ENTPD8: variants seen among roughly 807,000 people sequenced by gnomAD.
ENTPD8 encodes the protein ectonucleoside triphosphate diphosphohydrolase 8, also known as E-NTPDase 8.
In ENTPD8, 35 loss-of-function variants were observed where a neutral mutation model predicts 47.0. The ratio of observed to expected loss-of-function variants is 0.75; its 90% confidence interval spans 0.57 to 0.99. The LOEUF is 0.99. Among genes scored for constraint, ENTPD8 ranks in the 50% least tolerant of loss-of-function variants. The pLI is 0.00. For missense variants in ENTPD8, 668 were observed against 649.9 expected (o/e 1.03, Z -0.30); for synonymous variants, 308 against 290.5 (o/e 1.06, Z -0.61).
rs892322299 is a variant in ENTPD8, at chr9:137,434,470, TC to T, written c.*443del. 2 of 1,277,978 alleles carry T rather than the reference TC, an allele frequency of 1.6e-6. No homozygotes were observed. The highest frequency in any genetic ancestry group is 3.0e-5 in the African/African-American group (2 of 66,956). 79.2% of individuals were successfully genotyped at this position (1,277,978 alleles called of 1,614,324 possible). A position where few individuals can be genotyped will look rare whatever the true frequency, so the allele number is the denominator to read the frequency against. ...CCAGCAGAAGCCCCCAGGCCTGGAC[TC>T]CATCCATCTGCTCAGACAACAGCAG... On this transcript the variant is annotated 3_prime_UTR_variant, in exon 10 of 10. Coordinates refer to ENST00000371506, the MANE Select transcript of ENTPD8 (RefSeq NM_001033113.2).
In ENTPD8 at chr9:137,434,982, ACAC is replaced by A. The variant is rs1839297417; in HGVS notation, c.1417_1419del (p.Val473del). 6.2e-7 allele frequency: 1 copy of A among 1,612,844 alleles called. No individual in the cohort carries two copies. ...ACCGCCACCAGGGCCAGCACCATGA[ACAC>A]CACTTTGGCCACCCAGACGCCGTAG... On this transcript the variant is annotated inframe_deletion, in exon 10 of 10. Transcript: ENST00000371506.
At chr9:137,437,935 C>A in intron 3 of ENTPD8, 32 bp downstream of exon 3, 1 of 1,573,598 alleles carries the variant, frequency 6.4e-7, no homozygotes, top group South Asian at 1.1e-5. Context: ...ACAGGCAGGT[C>A]CCAGCACCGG....
Position 137,435,767 on chromosome 9 carries a change from G to C in ENTPD8, c.1113C>G (p.Ser371Arg). The change falls in exon 8 of 10, where the codon AGC (serine) becomes AGG (arginine). Residue 371 changes from serine (S) to arginine (R), a missense_variant. Ser to Arg is a moderately radical substitution (Grantham distance 110, BLOSUM62 -1). Transcript: ENST00000371506. ...FLNLTSRQPL[S>R]TVNATIWEFC... ...ACTCCCAGATGGTGGCGTTGACCGTGCTCAGGGGCTGCCTGGAGGTGAGGT... is the reference window on the plus strand; with the variant it reads ...ACTCCCAGATGGTGGCGTTGACCGTCCTCAGGGGCTGCCTGGAGGTGAGGT... 6.2e-7 allele frequency: 1 copy of C among 1,613,602 alleles called. No individual in the cohort carries two copies. Among genetic ancestry groups the C allele is most frequent in the Non-Finnish European group, 8.5e-7 (1 of 1,179,920 alleles).
intron 1 of ENTPD8, among the ~76,000 whole-genome samples, chr9:137,439,322 G>A (rs767262059): frequency 2.0e-5 from 3 of 151,930 alleles, no homozygotes; most frequent in Non-Finnish European, 4.4e-5. Flanking sequence ...ACCCCAGGCC[G>A]ACCCTGTGCC....
chr9:137,436,235 G>A lies in ENTPD8; in HGVS notation c.828C>T (p.Ser276=), dbSNP rs768720771. The part of the protein sequence containing the change: ...AALLRHPCYL[S]GYQTTLALGP... ...CCAGGGCCAGTGTGGTCTGGTAGCC[G>A]CTGAGGTAGCACGGGTGACGGAGCA... Residue 276 remains serine (S), a synonymous_variant, in exon 7 of 10, where the codon AGC becomes AGT. Transcript: ENST00000371506. 146 of 1,607,418 alleles carry A rather than the reference G, an allele frequency of 9.1e-5. No individual in the cohort carries two copies. The highest frequency in any genetic ancestry group is 1.1e-4 in the South Asian group (10 of 90,914).
chr9:137,435,887 C>G (rs1016580834), intron 7 of ENTPD8, 58 bp from the exon 8 acceptor site: 1 of 1,606,546 alleles, frequency 6.2e-7, no homozygotes, highest in Non-Finnish European at 8.5e-7. Context: ...CCAGATCCAC[C>G]CCACCCGGGC....
In ENTPD8 at chr9:137,436,322, C is replaced by T. The variant is rs770258215; in HGVS notation, c.787-46G>A. On this transcript the variant is annotated intron_variant, in intron 6 of 9. Coordinates refer to ENST00000371506, the MANE Select transcript of ENTPD8 (RefSeq NM_001033113.2). ...TGAGCACCAGCCGCACACCTGCGGC[C>T]CTGTGCCCCTCCCCGGGGCCGGATG... 1.1e-5 allele frequency: 17 copies of T among 1,503,042 alleles called. No individual in the cohort carries two copies. The East Asian group carries it at 2.6e-4, about 23-fold the overall frequency. The allele number at this position is 1,503,042 out of a possible 1,614,324, so 93.1% of individuals were successfully genotyped here. A position where few individuals can be genotyped will look rare whatever the true frequency, so the allele number is the denominator to read the frequency against.
chr9:137,438,199 CAGG>C lies in ENTPD8; in HGVS notation c.84_86del (p.Leu29del), dbSNP rs1244656188. 1 of 1,608,490 alleles carries C rather than the reference CAGG, an allele frequency of 6.2e-7. No individual in the cohort carries two copies. Among genetic ancestry groups the C allele is most frequent in the Non-Finnish European group, 8.5e-7 (1 of 1,177,990 alleles). On this transcript the variant is annotated inframe_deletion, in exon 2 of 10. Transcript: ENST00000371506. This position sits in a 1 kb window ranked among gnomAD's most constrained non-coding sequence, Gnocchi z 5.7. ...GCAGGAGCACGCTGGTGGCCTCCACCAGGAGGAGAATGAGTGCCGTGAGGCCTG... is the reference window on the plus strand; with the variant it reads ...GCAGGAGCACGCTGGTGGCCTCCACCAGGAGAATGAGTGCCGTGAGGCCTG...
chr9:137,434,691 T>A lies in ENTPD8; in HGVS notation c.*223A>T. 1.5e-6 allele frequency: 1 copy of A among 652,042 alleles called. No homozygotes were observed. The highest frequency in any genetic ancestry group is 2.5e-6 in the Non-Finnish European group (1 of 393,692). The allele number at this position is 652,042 out of a possible 1,614,324, so 40.4% of individuals were successfully genotyped here. A position where few individuals can be genotyped will look rare whatever the true frequency, so the allele number is the denominator to read the frequency against. On this transcript the variant is annotated 3_prime_UTR_variant, in exon 10 of 10. Coordinates refer to ENST00000371506, the MANE Select transcript of ENTPD8 (RefSeq NM_001033113.2). The stretch of plus-strand genomic sequence containing the variant: ...GTGTGCAGAAAGGCACCTACGGCCC[T>A]GGAAGCCCAGTTGCGGAAGGAGGTT...
chr9:137,436,944 G>A lies in ENTPD8; in HGVS notation c.480C>T (p.Ala160=), dbSNP rs747829056. The change falls in exon 5 of 10, where the codon GCC becomes GCT. Residue 160 remains alanine (A), a synonymous_variant. Transcript: ENST00000371506. ...CTTCGGCCTGCCCGGCCAGGAGCTC[G>A]GCACCCCAAAAGTCCACGGGAGACC... is the stretch of plus-strand genomic sequence containing the variant. ...LGRSPVDFWG[A]ELLAGQAEGA... The A allele has an allele frequency of 3.6e-5, 58 of 1,612,920 alleles. No individual in the cohort carries two copies. The highest frequency in any genetic ancestry group is 1.5e-4 in the South Asian group (14 of 91,090).
chr9:137,436,062 T>C lies in ENTPD8; in HGVS notation c.1001A>G (p.Asp334Gly). 1 of 1,612,882 alleles carries C rather than the reference T, an allele frequency of 6.2e-7. No individual in the cohort carries two copies. Among genetic ancestry groups the C allele is most frequent in the Non-Finnish European group, 8.5e-7 (1 of 1,179,966 alleles). Residue 334 changes from aspartate to glycine, a missense_variant, in exon 7 of 10, where the codon GAC (aspartate) becomes GGC (glycine). Asp to Gly is a moderately conservative substitution (Grantham distance 94). Transcript: ENST00000371506. The part of the protein sequence containing the change: ...FNFSSCQGQE[D>G]CAFDGVYQPP... ...CTGGTAGACCCCGTCAAAGGCGCAG[T>C]CCTCCTGGCCCTGGCAGCTGGAGAA...
chr9:137,434,773 A>C lies in ENTPD8; in HGVS notation c.*141T>G. The C allele has an allele frequency of 9.1e-7, 1 of 1,094,150 alleles. No homozygotes were observed. The highest frequency in any genetic ancestry group is 1.3e-6 in the Non-Finnish European group (1 of 789,712). The allele number at this position is 1,094,150 out of a possible 1,614,324, so 67.8% of individuals were successfully genotyped here. A position where few individuals can be genotyped will look rare whatever the true frequency, so the allele number is the denominator to read the frequency against. ...AGCCTCTGTGGCCAGCACCACCCTGACGGTGCCCTGGAGGTGGCTGTCACC... is the reference window on the plus strand; with the variant it reads ...AGCCTCTGTGGCCAGCACCACCCTGCCGGTGCCCTGGAGGTGGCTGTCACC... On this transcript the variant is annotated 3_prime_UTR_variant, in exon 10 of 10. Transcript: ENST00000371506.
chr9:137,436,355 C>T, intron 6 of ENTPD8, 79 bp from the exon 7 acceptor site: 2 of 1,444,934 alleles, frequency 1.4e-6, no homozygotes, highest in Non-Finnish European at 9.1e-7. Context: ...ATGACCCACG[C>T]CAGCCCCGCG....
In ENTPD8 at chr9:137,434,947, AGCC is replaced by A. The variant is rs750801800; in HGVS notation, c.1452_1454del (p.Ala486del). The A allele has an allele frequency of 3.7e-6, 6 of 1,612,364 alleles. No individual in the cohort carries two copies. The Admixed American group carries it at 1.0e-4, about 27-fold the overall frequency. ...GCAACCAGAAGAGCTGGACCAAGGCAGCCCCCACCACCGCCACCAGGGCCAGCA... is the reference window on the plus strand; with the variant it reads ...GCAACCAGAAGAGCTGGACCAAGGCACCCACCACCGCCACCAGGGCCAGCA... On this transcript the variant is annotated inframe_deletion, in exon 10 of 10. Transcript: ENST00000371506.
chr9:137,438,571 C>T lies in ENTPD8; in HGVS notation c.-20-266G>A, dbSNP rs565760684. On this transcript the variant is annotated intron_variant, in intron 1 of 9. Coordinates refer to ENST00000371506, the MANE Select transcript of ENTPD8 (RefSeq NM_001033113.2). This position sits in a 1 kb window ranked among gnomAD's most constrained non-coding sequence, Gnocchi z 5.7. ...CATCTCCGGGGCTCAGACGGCCTCC[C>T]GTGGCCATAGAGGCATCCCCGGGGC... 6.0e-5 allele frequency among the ~76,000 whole-genome samples: 9 copies of T among 151,054 alleles called. No individual in the cohort carries two copies. The highest frequency in any genetic ancestry group is 5.9e-4 in the East Asian group (3 of 5,128).
chr9:137,437,242 C>T lies in ENTPD8; in HGVS notation c.312G>A (p.Glu104=), dbSNP rs139205015. ...QAGESLQGCL[E]EALVLIPEAQ... ...CCTCTGGGATCAGCACCAGCGCCTC[C>T]TCCAAGCAGCCCTGCAGGCTCTCAC... The change falls in exon 4 of 10, where the codon GAG becomes GAA. Residue 104 remains glutamate (E), a synonymous_variant. Transcript: ENST00000371506. 5.6e-6 allele frequency: 9 copies of T among 1,612,972 alleles called. No homozygotes were observed. Among genetic ancestry groups the T allele is most frequent in the Non-Finnish European group, 7.6e-6 (9 of 1,180,012 alleles).
intron 3 of ENTPD8, 102 bp downstream of exon 3, chr9:137,437,865 C>T: frequency 9.2e-7 from 1 of 1,087,194 alleles, no homozygotes; most frequent in Non-Finnish European, 1.3e-6. Context: ...GTGAGCTCAG[C>T]CAAGTCACTG....
Position 137,437,822 on chromosome 9 carries a change from C to G in ENTPD8, c.244+145G>C, listed in dbSNP as rs1201852397. The G allele has an allele frequency of 2.1e-5, 16 of 747,116 alleles. No homozygotes were observed. In the East Asian group the frequency reaches 4.0e-4, roughly 19 times the overall value. The allele number at this position is 747,116 out of a possible 1,614,324, so 46.3% of individuals were successfully genotyped here. The stretch of plus-strand genomic sequence containing the variant: ...GGTCCCCAGAGTGCCACCGCGTGAA[C>G]GCAGGCTCCGGCCCAGCACCCATGC... On this transcript the variant is annotated intron_variant, in intron 3 of 9. Transcript: ENST00000371506.
rs1405609672 is a variant in ENTPD8, at chr9:137,434,651, G to A, written c.*263C>T. On this transcript the variant is annotated 3_prime_UTR_variant, in exon 10 of 10. Coordinates refer to ENST00000371506, the MANE Select transcript of ENTPD8 (RefSeq NM_001033113.2). ...CAGTCACACAGCCTGGAGACACCAC[G>A]AGTCCTGGCGGCCTGTGTGCAGAAA... 5.0e-6 allele frequency: 3 copies of A among 595,640 alleles called. No homozygotes were observed. The highest frequency in any genetic ancestry group is 2.9e-5 in the East Asian group (1 of 34,154). The allele number at this position is 595,640 out of a possible 1,614,324, so 36.9% of individuals were successfully genotyped here. A position where few individuals can be genotyped will look rare whatever the true frequency, so the allele number is the denominator to read the frequency against.
Sources: gnomAD v4.1 joint callset for allele counts (sites outside exome capture counted in the v4.1 genomes callset) on GRCh38, gnomAD v4.1.1 for gene constraint, Gnocchi (gnomAD v3.1) non-coding constraint, MANE v1.5 for transcripts, NCBI Gene and HGNC (gene_info 2026-07-23, HGNC 2026-07-21) for gene names.